NPNT: variants seen among roughly 807,000 people sequenced by gnomAD.
NPNT encodes the protein preosteoblast EGF-like repeat protein with MAM domain.
A neutral mutation model predicts 68.6 loss-of-function variants in NPNT; 45 were observed. That is an observed-to-expected ratio of 0.66 (90% confidence interval 0.52 to 0.84). The LOEUF is 0.84. NPNT is among the 40% of genes least tolerant of loss of function. The probability of loss-of-function intolerance (pLI) is 0.00; values close to 1 mark genes in which losing one functional copy is unlikely to be tolerated. For missense variants in NPNT, 672 were observed against 714.8 expected (o/e 0.94, Z 0.68); for synonymous variants, 233 against 253.3 (o/e 0.92, Z 0.76).
At chr4:105,922,544 C>G (rs557666924) in intron 2 of NPNT, among the ~76,000 whole-genome samples, 20 of 151,920 alleles carry the variant, frequency 1.3e-4, no homozygotes, top group African/African-American at 4.8e-4. Flanking sequence ...ACCACCACAC[C>G]TGGCTAGTTT....
intron 7 of NPNT, among the ~76,000 whole-genome samples, chr4:105,941,228 C>A (rs1729925584): frequency 6.6e-6 from 1 of 152,084 alleles, no homozygotes; most frequent in Non-Finnish European, 1.5e-5. Flanking sequence ...GTAGTCCCAG[C>A]TACTCAGGAG....
intron 10 of NPNT, 83 bp downstream of exon 10, chr4:105,959,209 A>G: frequency 1.2e-6 from 1 of 807,248 alleles, no homozygotes; most frequent in Non-Finnish European, 2.2e-6. Flanking sequence ...AATCAAGTCT[A>G]CTGTAACACA....
chr4:105,938,339 T>C lies in NPNT; in HGVS notation c.424T>C (p.Cys142Arg), dbSNP rs1729657315. The change falls in exon 5 of 12, where the codon TGT becomes CGT. Residue 142 changes from cysteine to arginine, a missense_variant. Coordinates refer to ENST00000379987, the MANE Select transcript of NPNT (RefSeq NM_001033047.3). Reference sequence around the variant, plus strand: ...CTCCATGGCAAACTGTCAGTATGGCTGTGATGTTGTTAAAGGACAAATACG... The same window carrying C: ...CTCCATGGCAAACTGTCAGTATGGCCGTGATGTTGTTAAAGGACAAATACG... ...TCSMANCQYG[C>R]DVVKGQIRCQ... The C allele has an allele frequency of 6.2e-7, 1 of 1,613,674 alleles. No homozygotes were observed. The highest frequency in any genetic ancestry group is 1.3e-5 in the African/African-American group (1 of 74,906).
rs775655358 is a variant in NPNT, at chr4:105,971,183, G to A, written c.*2193G>A. 2.2e-6 allele frequency: 1 copy of A among 455,732 alleles called. No individual in the cohort carries two copies. The highest frequency in any genetic ancestry group is 1.6e-5 in the South Asian group (1 of 64,514). 28.2% of individuals were successfully genotyped at this position (455,732 alleles called of 1,614,324 possible). A position where few individuals can be genotyped will look rare whatever the true frequency, so the allele number is the denominator to read the frequency against. On this transcript the variant is annotated 3_prime_UTR_variant, in exon 12 of 12. Coordinates refer to ENST00000379987, the MANE Select transcript of NPNT (RefSeq NM_001033047.3). ...ATTCTCTCTGCTTCGTGTGTGACAAGTTATCTTGGCTGCTGAGAAAGAGTG... is the reference window on the plus strand; with the variant it reads ...ATTCTCTCTGCTTCGTGTGTGACAAATTATCTTGGCTGCTGAGAAAGAGTG...
At chr4:105,949,570 T>C (rs1009881068) in intron 8 of NPNT, among the ~76,000 whole-genome samples, 2 of 152,124 alleles carry the variant, frequency 1.3e-5, no homozygotes, top group African/African-American at 4.8e-5. Context: ...AAAGCCACTT[T>C]TCAAAGACAA....
At chr4:105,901,063 A>G (rs1015477571) in intron 2 of NPNT, among the ~76,000 whole-genome samples, 6 of 152,116 alleles carry the variant, frequency 3.9e-5, no homozygotes, top group Admixed American at 6.5e-5. Context: ...GTTTGTCACA[A>G]AATGTGTGTT....
At chr4:105,912,587 C>T in intron 2 of NPNT, 1 of 995,090 alleles carries the variant, frequency 1.0e-6, no homozygotes, top group Non-Finnish European at 1.2e-6. Flanking sequence ...ATTACTAACA[C>T]CAGCCTATCA....
intron 7 of NPNT, 65 bp downstream of exon 7, chr4:105,940,701 T>A: frequency 7.2e-7 from 1 of 1,397,812 alleles, no homozygotes; most frequent in Non-Finnish European, 1.0e-6. Flanking sequence ...CAAAGGCCAT[T>A]GCTAGGGAAA....
chr4:105,903,943 C>T (rs1488483752), intron 2 of NPNT, among the ~76,000 whole-genome samples: 3 of 151,978 alleles, frequency 2.0e-5, no homozygotes, highest in Non-Finnish European at 4.4e-5. Context: ...AGCGACCACA[C>T]CTGGATAATT....
At position 105,967,425 on chromosome 4, in the gene NPNT, G is replaced by C. The variant is rs199795974; in HGVS notation, c.1583G>C (p.Arg528Pro). The C allele has an allele frequency of 1.3e-6, 2 of 1,595,172 alleles. No homozygotes were observed. The highest frequency in any genetic ancestry group is 2.2e-5 in the East Asian group (1 of 44,626). ...TGGAGGCAAACACAGATCACCTTGC[G>C]AGGGGCTGACATCAAGAGCGTAAGT... ...HGWRQTQITL[R>P]GADIKSVVFK... The change falls in exon 11 of 12, where the codon CGA becomes CCA. Residue 528 changes from arginine (R) to proline (P), a missense_variant. Coordinates refer to ENST00000379987, the MANE Select transcript of NPNT (RefSeq NM_001033047.3).
At chr4:105,941,450 T>C (rs1471869673) in intron 7 of NPNT, among the ~76,000 whole-genome samples, 1 of 152,178 alleles carries the variant, frequency 6.6e-6, no homozygotes, top group Non-Finnish European at 1.5e-5. Flanking sequence ...GGTTATGTAA[T>C]AGATAAACAT....
chr4:105,944,732 GC>G (rs1276555505), intron 8 of NPNT, among the ~76,000 whole-genome samples: 3 of 152,202 alleles, frequency 2.0e-5, no homozygotes, highest in Admixed American at 6.5e-5. Flanking sequence ...AGAAACTCCT[GC>G]CAAAAATTAA....
rs1216442731 is a variant in NPNT at position 105,970,039 on chromosome 4, A to G, written c.*1049A>G. 1 of 193,156 alleles carries G rather than the reference A, an allele frequency of 5.2e-6. No homozygotes were observed. Among genetic ancestry groups the G allele is most frequent in the Admixed American group, 5.6e-5 (1 of 17,948 alleles). 12.0% of individuals were successfully genotyped at this position (193,156 alleles called of 1,614,324 possible). Reference sequence around the variant, plus strand: ...ATCCTGTTGCAGAGTGAGAGGAAGCATAGGGGGAAACTCCATTGGAACAGA... The same window carrying G: ...ATCCTGTTGCAGAGTGAGAGGAAGCGTAGGGGGAAACTCCATTGGAACAGA... On this transcript the variant is annotated 3_prime_UTR_variant, in exon 12 of 12. Transcript: ENST00000379987.
At chr4:105,956,411 C>T (rs983559410) in intron 8 of NPNT, among the ~76,000 whole-genome samples, 1 of 151,894 alleles carries the variant, frequency 6.6e-6, no homozygotes, top group East Asian at 1.9e-4. Context: ...AACAGGCTCC[C>T]GGTGCCAGGA....
At chr4:105,935,071 T>C (rs6857305) in intron 3 of NPNT, among the ~76,000 whole-genome samples, 3,510 of 152,290 alleles carry the variant, frequency 0.023, 129 homozygotes, top group African/African-American at 0.079. Context: ...ATGAGCTGCC[T>C]GAAACTGTAA....
At position 105,895,691 on chromosome 4, in the gene NPNT, C is replaced by G; in HGVS notation, c.39C>G (p.Leu13=). The G allele has an allele frequency of 1.3e-6, 2 of 1,554,136 alleles. No homozygotes were observed. Among genetic ancestry groups the G allele is most frequent in the Non-Finnish European group, 1.7e-6 (2 of 1,148,342 alleles). Residue 13 remains leucine (L), a synonymous_variant, in exon 1 of 12, where the codon CTC becomes CTG. Transcript: ENST00000379987. The part of the protein sequence containing the change: ...FLLALVLVSS[L]YLQAAAEFDG... ...TGGCGCTGGTGCTGGTATCCTCGCTCTACCTGCAGGCGGCCGCCGAGTTCG... is the reference window on the plus strand; with the variant it reads ...TGGCGCTGGTGCTGGTATCCTCGCTGTACCTGCAGGCGGCCGCCGAGTTCG...
At chr4:105,924,825 T>C (rs959621179) in intron 2 of NPNT, among the ~76,000 whole-genome samples, 1 of 152,202 alleles carries the variant, frequency 6.6e-6, no homozygotes, top group Non-Finnish European at 1.5e-5. Context: ...TTAAGTGGTA[T>C]TTTTAAAACT....
At chr4:105,959,777 C>T (rs1021528043) in intron 10 of NPNT, among the ~76,000 whole-genome samples, 1 of 149,828 alleles carries the variant, frequency 6.7e-6, no homozygotes, top group African/African-American at 2.4e-5. Flanking sequence ...CTTCTAGATT[C>T]AAGATAGCTT....
At chr4:105,943,733 TA>T (rs1234721407) in intron 8 of NPNT, among the ~76,000 whole-genome samples, 1 of 152,242 alleles carries the variant, frequency 6.6e-6, no homozygotes, top group Non-Finnish European at 1.5e-5. Flanking sequence ...CTTTATACAT[TA>T]CCAGTTTGTT....
Sources: allele counts gnomAD v4.1 joint callset (sites outside exome capture counted in the v4.1 genomes callset), GRCh38; gene constraint gnomAD v4.1.1; transcripts MANE v1.5; gene names NCBI Gene and HGNC (gene_info 2026-07-23, HGNC 2026-07-21).